Variants in CYRIB observed in about 807,000 individuals in gnomAD.
CYRIB encodes CYFIP-related Rac1 interactor B.
CYRIB carries 8 observed loss-of-function variants against 44.2 expected under a neutral mutation model. The ratio of observed to expected loss-of-function variants is 0.18; its 90% CI spans 0.11 to 0.33. The LOEUF (loss-of-function observed/expected upper bound fraction) is 0.33, where lower values mean the gene tolerates loss of function less well. Among genes scored for constraint, CYRIB ranks in the 10% least tolerant of loss-of-function variants. The pLI is 1.00. For missense variants in CYRIB, 185 were observed against 382.8 expected (o/e 0.48, Z 4.31); for synonymous variants, 131 against 127.2 (o/e 1.03, Z -0.20).
At chr8:129,851,180 C>A in intron 8 of CYRIB, 1 of 424,170 alleles carries the variant, frequency 2.4e-6, no homozygotes, top group Non-Finnish European at 4.2e-6. Context: ...GACAGGGGGT[C>A]AAAGGTGTAG....
chr8:129,943,086 A>AACCCCCCCCCCCCCCC (rs2093840896), upstream of CYRIB, among the ~76,000 whole-genome samples: 2 of 101,580 alleles, frequency 2.0e-5, no homozygotes, highest in African/African-American at 6.6e-5. Context: ...TGCACCGCCC[A>AACCCCCCCCCCCCCCC]CCCGCCCCCC....
chr8:129,965,254 G>GTGTGTC (rs2095426679), intron 2 of CYRIB, among the ~76,000 whole-genome samples: 1 of 145,116 alleles, frequency 6.9e-6, no homozygotes, highest in Non-Finnish European at 1.6e-5. Context: ...GACACTGTGT[G>GTGTGTC]TGTGTGTGTG....
intron 1 of CYRIB, among the ~76,000 whole-genome samples, chr8:130,003,527 G>A (rs1244317776): frequency 3.3e-5 from 5 of 152,204 alleles, no homozygotes; most frequent in Admixed American, 6.5e-5. Context: ...TCTGGTCTCT[G>A]CACATTAGCT....
intron 1 of CYRIB, among the ~76,000 whole-genome samples, chr8:129,983,009 T>TAAAAAA (rs3077880): frequency 7.2e-6 from 1 of 138,168 alleles, no homozygotes; most frequent in African/African-American, 2.6e-5. Flanking sequence ...GTAGAGCTGT[T>TAAAAAA]AAAAAAAAAA....
Position 129,871,370 on chromosome 8 carries a change from T to G in CYRIB, c.195+5A>C. The G allele has an allele frequency of 1.2e-6, 2 of 1,602,596 alleles. No homozygotes were observed. Among genetic ancestry groups the G allele is most frequent in the Non-Finnish European group, 1.7e-6 (2 of 1,176,496 alleles). ...TTAACTAGAAAATACATAAATGCGC[T>G]TTACCTCTCGTATTTCGTGGCCAGC... On this transcript the variant is annotated splice_donor_5th_base_variant and intron_variant, in intron 4 of 11. Coordinates refer to ENST00000519824, the Ensembl canonical transcript of CYRIB.
intron 5 of CYRIB, among the ~76,000 whole-genome samples, chr8:129,859,204 CAG>C (rs567959414): frequency 2.9e-4 from 44 of 151,660 alleles, no homozygotes; most frequent in African/African-American, 1.0e-3. Context: ...GCAGCCAAGG[CAG>C]AGAGAGAGAG....
intron 1 of CYRIB, among the ~76,000 whole-genome samples, chr8:129,971,480 C>T (rs1005011899): frequency 2.0e-5 from 3 of 152,172 alleles, no homozygotes; most frequent in Non-Finnish European, 2.9e-5. Flanking sequence ...TGGTATATTA[C>T]AAATAAATAA....
At chr8:129,952,108 C>T (rs753560158) in intron 2 of CYRIB, among the ~76,000 whole-genome samples, 2 of 152,222 alleles carry the variant, frequency 1.3e-5, no homozygotes, top group South Asian at 2.1e-4. Flanking sequence ...TGCAATGGTG[C>T]AATCTCGGCT....
At chr8:130,011,296 A>G (rs557928658) in intron 1 of CYRIB, among the ~76,000 whole-genome samples, 25 of 149,222 alleles carry the variant, frequency 1.7e-4, no homozygotes, top group Middle Eastern at 3.7e-3. Flanking sequence ...TGAGGTGGGT[A>G]GATCACCTGA....
At chr8:129,880,561 AGGTTTATATGCTTTTGGCATTGAGAATTT>A in intron 2 of CYRIB, 1 of 343,480 alleles carries the variant, frequency 2.9e-6, no homozygotes, top group South Asian at 1.2e-4. Context: ...CAACAGGTGC[AGGTTTATATGCTTTTGGCATTGAGAATTT>A]GGAACAACAA....
intron 1 of CYRIB, among the ~76,000 whole-genome samples, chr8:130,005,035 G>C (rs1291642231): frequency 6.6e-6 from 1 of 152,110 alleles, no homozygotes; most frequent in Non-Finnish European, 1.5e-5. Flanking sequence ...CCAAAGTGCT[G>C]GGATTACAGG....
rs190946670 is a variant in CYRIB at position 129,946,442 on chromosome 8, C to T, written c.-243+24501G>A. Among the ~76,000 whole-genome samples, 45 of 152,298 alleles carry T rather than the reference C, an allele frequency of 3.0e-4. No homozygotes were observed. In the East Asian group the frequency reaches 7.9e-3, roughly 27 times the overall value. The stretch of plus-strand genomic sequence containing the variant: ...CAGCTCCAAACATTTCCACCATAGT[C>T]AGGGACTCCAGTGTTGCCTTAGGGA... On this transcript the variant is annotated intron_variant, in intron 2 of 14. Coordinates refer to the CYRIB transcript ENST00000401979.
chr8:129,907,241 T>C (rs1295990661), intron 1 of CYRIB, among the ~76,000 whole-genome samples: 4 of 152,182 alleles, frequency 2.6e-5, no homozygotes, highest in Admixed American at 6.5e-5. Context: ...ATGTGGCACA[T>C]ATACACCATG....
chr8:129,960,949 C>CAAAAAAAA (rs35845303), intron 2 of CYRIB, among the ~76,000 whole-genome samples: 1 of 102,848 alleles, frequency 9.7e-6, no homozygotes, highest in African/African-American at 3.4e-5. Flanking sequence ...GACTCAGTCT[C>CAAAAAAAA]AAAAAAAAAA....
intron 2 of CYRIB, among the ~76,000 whole-genome samples, chr8:129,888,799 T>G (rs770430079): frequency 2.0e-5 from 3 of 152,004 alleles, no homozygotes; most frequent in Non-Finnish European, 2.9e-5. Context: ...AATACATGAT[T>G]AAAAATAGAG....
chr8:130,015,219 T>C (rs2097314103), intron 1 of CYRIB, among the ~76,000 whole-genome samples: 1 of 152,182 alleles, frequency 6.6e-6, no homozygotes, highest in South Asian at 2.1e-4. Context: ...GACTCACCTC[T>C]CAAAATTCAC....
In CYRIB at chr8:129,863,689, C is replaced by T. The variant is rs141527659; in HGVS notation, c.196-1355G>A. ...AGGGAAGAAAATATAATCTAGAGAT[C>T]CTTAATATAAATGACTTCTTCTATA... On this transcript the variant is annotated intron_variant, in intron 4 of 11. Transcript: ENST00000519824. 7.1e-3 allele frequency among the ~76,000 whole-genome samples: 1,085 copies of T among 152,002 alleles called. 7 individuals carry two copies. Among genetic ancestry groups the T allele is most frequent in the Middle Eastern group, 0.017 (5 of 294 alleles).
At chr8:129,862,382 G>C (rs770559182) in intron 4 of CYRIB, 48 bp from the exon 7 acceptor site, 15 of 1,314,286 alleles carry the variant, frequency 1.1e-5, no homozygotes, top group Non-Finnish European at 1.6e-5. Flanking sequence ...AAAAAAAAAA[G>C]GTTCATTTTT....
intron 2 of CYRIB, among the ~76,000 whole-genome samples, chr8:129,889,797 C>T (rs900365477): frequency 1.5e-4 from 22 of 151,434 alleles, no homozygotes; most frequent in African/African-American, 4.6e-4. Context: ...TGGTTTCTTT[C>T]CTTTTTTTTT....
Sources: gnomAD v4.1 joint callset for allele counts (sites outside exome capture counted in the v4.1 genomes callset) on GRCh38, gnomAD v4.1.1 for gene constraint, MANE v1.5 for transcripts, NCBI Gene and HGNC (gene_info 2026-07-23, HGNC 2026-07-21) for gene names.